FTCDNL1: variants seen among roughly 807,000 people sequenced by gnomAD.
FTCDNL1 encodes formiminotransferase cyclodeaminase N-terminal like.
Under a neutral mutation model 5.9 loss-of-function variants are expected in FTCDNL1, and 11 were observed. That is an observed-to-expected ratio of 1.87 (90% CI 1.18 to 3.10). The LOEUF is 3.10. Ranked by LOEUF, FTCDNL1 falls within the 30% of genes most tolerant of loss-of-function variation. The pLI, the probability that FTCDNL1 is intolerant of heterozygous loss-of-function variation, is 0.00. For missense variants in FTCDNL1, 115 were observed against 65.5 expected, an observed-to-expected ratio of 1.76 and a Z score of -2.61; for synonymous variants, 58 against 24.8, an observed-to-expected ratio of 2.34 and a Z score of -3.99.
chr2:199,740,905 C>G, the FTCDNL1 span, among the ~76,000 whole-genome samples: 23 of 152,166 alleles, frequency 1.5e-4, no homozygotes, highest in Admixed American at 1.4e-3. Flanking sequence ...GATCTACTTT[C>G]ATGAAATGGT....
At chr2:199,805,671 G>A (rs11677946), downstream of FTCDNL1, among the ~76,000 whole-genome samples, 69,489 of 151,962 alleles carry the variant, frequency 0.46, 18,186 homozygotes, top group East Asian at 0.58. Context: ...CCCAAGAGAC[G>A]AAGGTTGCAG....
rs752396308 is a variant in FTCDNL1, at chr2:199,819,640, G to A, written c.329C>T (p.Thr110Met). ...VQRRKQLGWFTRRDFSALQPD... is the reference protein window; with the variant it reads ...VQRRKQLGWFMRRDFSALQPD... ...CTGAAGAGCACTGAAATCCCTCCTCGTGAACCAGCCCAGCTGCTTCCTTCT... is the reference window on the plus strand; with the variant it reads ...CTGAAGAGCACTGAAATCCCTCCTCATGAACCAGCCCAGCTGCTTCCTTCT... Residue 110 changes from threonine to methionine, a missense_variant, in exon 4 of 5, where the codon ACG becomes ATG. Transcript: ENST00000420128. The A allele has an allele frequency of 1.1e-4, 76 of 701,930 alleles. No homozygotes were observed. In the East Asian group the frequency reaches 1.4e-3, roughly 13 times the overall value. 43.5% of individuals were successfully genotyped at this position (701,930 alleles called of 1,614,324 possible).
intron 3 of FTCDNL1, among the ~76,000 whole-genome samples, chr2:199,795,279 C>T (rs1395761712): frequency 5.3e-5 from 8 of 152,068 alleles, no homozygotes; most frequent in Middle Eastern, 3.2e-3. Flanking sequence ...CTAGATCAGA[C>T]GTGATGGCTG....
At chr2:199,814,240 A>G (rs142827978) in intron 4 of FTCDNL1, among the ~76,000 whole-genome samples, 76 of 152,326 alleles carry the variant, frequency 5.0e-4, no homozygotes, top group Non-Finnish European at 8.1e-4. Flanking sequence ...AAACTCAAAC[A>G]TAATTGCTAA....
rs1365142719 is a variant in FTCDNL1 at position 199,811,715 on chromosome 2, A to G, written c.*990T>C. Among the ~76,000 whole-genome samples the G allele has an allele frequency of 2.0e-5, 3 of 152,322 alleles. No homozygotes were observed. The highest frequency in any genetic ancestry group is 3.9e-4 in the East Asian group (2 of 5,184). ...GGGACTTTTCCTGAATCCCTCACCCAGCAAATTCCAAGACATCCTCTTCCA... is the reference window on the plus strand; with the variant it reads ...GGGACTTTTCCTGAATCCCTCACCCGGCAAATTCCAAGACATCCTCTTCCA... On this transcript the variant is annotated 3_prime_UTR_variant, in exon 5 of 5. Transcript: ENST00000420128.
At chr2:199,715,386 G>A in the FTCDNL1 span, among the ~76,000 whole-genome samples, 7 of 152,182 alleles carry the variant, frequency 4.6e-5, no homozygotes, top group East Asian at 1.9e-4. Flanking sequence ...GGTTTTTCCC[G>A]TGCTGTTCTA....
intron 3 of FTCDNL1, among the ~76,000 whole-genome samples, chr2:199,835,091 T>C (rs1702636567): frequency 6.6e-6 from 1 of 152,216 alleles, no homozygotes; most frequent in African/African-American, 2.4e-5. Flanking sequence ...AGCAGAAGAA[T>C]CACTTGAGCC....
intron 3 of FTCDNL1, among the ~76,000 whole-genome samples, chr2:199,793,145 T>C (rs573931249): frequency 1.3e-5 from 2 of 152,136 alleles, no homozygotes; most frequent in African/African-American, 2.4e-5. Context: ...CTTATACATA[T>C]GGAATTAACA....
At chr2:199,837,337 C>T (rs575454656) in intron 3 of FTCDNL1, among the ~76,000 whole-genome samples, 3 of 152,286 alleles carry the variant, frequency 2.0e-5, no homozygotes, top group African/African-American at 7.2e-5. Context: ...ATGCTATGCC[C>T]TAAATATGTT....
the FTCDNL1 span, among the ~76,000 whole-genome samples, chr2:199,730,099 G>A: frequency 1.3e-4 from 20 of 152,184 alleles, no homozygotes; most frequent in South Asian, 2.1e-4. Flanking sequence ...CAACAATGGG[G>A]AAAGGATTCC....
chr2:199,720,916 G>T, the FTCDNL1 span, among the ~76,000 whole-genome samples: 13 of 152,062 alleles, frequency 8.5e-5, no homozygotes, highest in African/African-American at 2.9e-4. Flanking sequence ...CAGTAACCTG[G>T]ATGTCAGTTG....
At chr2:199,826,864 T>C (rs1388716466) in intron 3 of FTCDNL1, among the ~76,000 whole-genome samples, 3 of 152,164 alleles carry the variant, frequency 2.0e-5, no homozygotes, top group Admixed American at 6.6e-5. Context: ...GGTAGCTAGA[T>C]AGTCCAAACT....
the FTCDNL1 span, among the ~76,000 whole-genome samples, chr2:199,712,834 T>C: frequency 5.2e-3 from 797 of 152,314 alleles, 14 homozygotes; most frequent in East Asian, 0.055. Context: ...TGTCTTCTTA[T>C]AAGGACACCA....
chr2:199,686,595 C>G, the FTCDNL1 span, among the ~76,000 whole-genome samples: 1 of 152,068 alleles, frequency 6.6e-6, no homozygotes, highest in Non-Finnish European at 1.5e-5. Flanking sequence ...TTGAAAATAA[C>G]AATTTATTAC....
At chr2:199,785,287 G>A (rs1320539005) in intron 3 of FTCDNL1, among the ~76,000 whole-genome samples, 4 of 98,532 alleles carry the variant, frequency 4.1e-5, no homozygotes, top group African/African-American at 8.3e-5. Context: ...TCACTCTGTC[G>A]ACCAGGCCAG....
chr2:199,716,520 C>T, the FTCDNL1 span, among the ~76,000 whole-genome samples: 1 of 152,082 alleles, frequency 6.6e-6, no homozygotes, highest in Non-Finnish European at 1.5e-5. Context: ...GAAGGCATAT[C>T]CTGAAAGGTG....
At chr2:199,824,132 T>C (rs560354163) in intron 3 of FTCDNL1, among the ~76,000 whole-genome samples, 8 of 152,284 alleles carry the variant, frequency 5.3e-5, no homozygotes, top group Non-Finnish European at 1.0e-4. Context: ...TCCTTGCTCT[T>C]AGCTAGAGAT....
intron 3 of FTCDNL1, among the ~76,000 whole-genome samples, chr2:199,834,720 T>C (rs148067524): frequency 6.6e-6 from 1 of 152,324 alleles, no homozygotes; most frequent in African/African-American, 2.4e-5. Context: ...AAGGAAGACG[T>C]GTATTATTTG....
chr2:199,851,144 AGCCTCC>A lies in FTCDNL1; in HGVS notation c.-418_-413del, dbSNP rs1214282705. On this transcript the variant is annotated 5_prime_UTR_variant, in exon 1 of 5. Coordinates refer to ENST00000420128, the MANE Select transcript of FTCDNL1 (RefSeq NM_001363886.2). ...TCGCCGCCGCGCGTGGCCCGCGCGCAGCCTCCGCCGCCGCGCGTGGCCCGCGCGCAG... is the reference window on the plus strand; with the variant it reads ...TCGCCGCCGCGCGTGGCCCGCGCGCAGCCGCCGCGCGTGGCCCGCGCGCAG... 7.3e-6 allele frequency: 1 copy of A among 137,510 alleles called. No individual in the cohort carries two copies. The highest frequency in any genetic ancestry group is 7.0e-5 in the Admixed American group (1 of 14,376). The allele number at this position is 137,510 out of a possible 1,614,324, so 8.5% of individuals were successfully genotyped here. A position where few individuals can be genotyped will look rare whatever the true frequency, so the allele number is the denominator to read the frequency against.
Sources: gnomAD v4.1 joint callset for allele counts (sites outside exome capture counted in the v4.1 genomes callset) on GRCh38, gnomAD v4.1.1 for gene constraint, MANE v1.5 for transcripts, NCBI Gene and HGNC (gene_info 2026-07-23, HGNC 2026-07-21) for gene names.